TLE6: variants seen among roughly 807,000 people sequenced by gnomAD.
TLE6 encodes transducin-like enhancer protein 6.
Under a neutral mutation model 77.1 loss-of-function variants are expected in TLE6, and 72 were observed. That is an observed-to-expected ratio of 0.93 (90% confidence interval 0.77 to 1.14). TLE6 has a LOEUF of 1.14. TLE6 is among the 50% of genes most tolerant of loss of function. The pLI is 0.00. For synonymous variants in TLE6, 366 were observed against 287.3 expected, an observed-to-expected ratio of 1.27 and a Z score of -2.77; for missense variants, 843 against 747.6, an observed-to-expected ratio of 1.13 and a Z score of -1.49.
At chr19:2,993,396 A>T in intron 14 of TLE6, 36 bp from the exon 15 acceptor site, 4 of 1,572,766 alleles carry the variant, frequency 2.5e-6, no homozygotes, top group Non-Finnish European at 3.5e-6. Flanking sequence ...GCTGGGACCT[A>T]ACCAGGTTCC....
Position 2,989,187 on chromosome 19 carries a change from G to A in TLE6, c.867G>A (p.Val289=). 4 of 1,614,144 alleles carry A rather than the reference G, an allele frequency of 2.5e-6. No individual in the cohort carries two copies. Among genetic ancestry groups the A allele is most frequent in the Non-Finnish European group, 2.5e-6 (3 of 1,180,054 alleles). Residue 289 remains valine (V), a synonymous_variant, in exon 12 of 17, where the codon GTG becomes GTA. Coordinates refer to ENST00000246112, the MANE Select transcript of TLE6 (RefSeq NM_001143986.2). ...GGATCTTGGCACACGGGGAGCTCGT[G>A]CTCGCCACGGCCATCAGCAGCTTCA... is the stretch of plus-strand genomic sequence containing the variant. The part of the protein sequence containing the change: ...KMRILAHGEL[V]LATAISSFTR...
At chr19:2,983,148 G>C (rs1418723680) in intron 5 of TLE6, among the ~76,000 whole-genome samples, 1 of 152,222 alleles carries the variant, frequency 6.6e-6, no homozygotes, top group Non-Finnish European at 1.5e-5. Context: ...TGGGAGGAGG[G>C]GGGCAGCGAA....
At chr19:2,994,501 T>C (rs891229735) in intron 16 of TLE6, among the ~76,000 whole-genome samples, 3 of 152,034 alleles carry the variant, frequency 2.0e-5, no homozygotes, top group Admixed American at 1.3e-4. Flanking sequence ...TCCCAGCTAC[T>C]TGGGAGGCTG....
intron 1 of TLE6, 112 bp from the exon 2 acceptor site, chr19:2,978,086 T>A (rs920256581): frequency 3.7e-5 from 27 of 737,144 alleles, no homozygotes; most frequent in Admixed American, 2.9e-4. Context: ...CAGGATTGGG[T>A]CCCTGGAGAC....
chr19:2,991,395 T>TAC (rs373594184), intron 13 of TLE6, among the ~76,000 whole-genome samples: 3,661 of 113,960 alleles, frequency 0.032, 87 homozygotes, highest in South Asian at 0.081. Flanking sequence ...TATATATATA[T>TAC]ACACACACAC....
intron 5 of TLE6, among the ~76,000 whole-genome samples, chr19:2,982,535 CAAAAAAAAAAAA>C (rs1200316710): frequency 9.6e-5 from 4 of 41,840 alleles, no homozygotes; most frequent in African/African-American, 2.5e-4. Context: ...GACTCTGTCT[CAAAAAAAAAAAA>C]AAAAAAAAAA....
In TLE6 at chr19:2,989,251, G is replaced by T. The variant is rs866691522; in HGVS notation, c.931G>T (p.Val311Leu). The change falls in exon 12 of 17, where the codon GTG becomes TTG. Residue 311 changes from valine (V) to leucine (L), a missense_variant. Transcript: ENST00000246112. ...CACCTGTGGCAGAAGAGGCATCAAG[G>T]TGTGGAGCCTGACTGGACAGGTGGC... ...VFTCGRRGIK[V>L]WSLTGQVAED... 4.3e-6 allele frequency: 7 copies of T among 1,613,946 alleles called. No individual in the cohort carries two copies. Among genetic ancestry groups the T allele is most frequent in the Non-Finnish European group, 4.2e-6 (5 of 1,180,048 alleles).
chr19:2,984,952 T>C (rs958335405), intron 5 of TLE6, among the ~76,000 whole-genome samples: 4 of 152,086 alleles, frequency 2.6e-5, no homozygotes, highest in African/African-American at 9.7e-5. Context: ...TGTTTGTTCG[T>C]TTTAAATAAA....
chr19:2,991,683 A>T (rs1182816659), intron 13 of TLE6, among the ~76,000 whole-genome samples, 160 bp from the exon 14 acceptor site: 1 of 149,942 alleles, frequency 6.7e-6, no homozygotes, highest in African/African-American at 2.5e-5. Flanking sequence ...CCGGCACTAG[A>T]TCCTGTGTCT....
At position 2,980,189 on chromosome 19, in the gene TLE6, G is replaced by T; in HGVS notation, c.134+7G>T. 1 of 1,545,786 alleles carries T rather than the reference G, an allele frequency of 6.5e-7. No homozygotes were observed. On this transcript the variant is annotated splice_region_variant and intron_variant, in intron 3 of 16. Transcript: ENST00000246112. ...GGCTCAAGCAGTTCCCCAGGTGAGA[G>T]CAATTCCAGGGGCCGGAGGTCTCAC...
At chr19:2,991,389 T>TACACAC (rs1403725836) in intron 13 of TLE6, among the ~76,000 whole-genome samples, 2 of 113,884 alleles carry the variant, frequency 1.8e-5, no homozygotes, top group South Asian at 2.8e-4. Context: ...TATATATATA[T>TACACAC]ATATATACAC....
chr19:2,980,205 G>C (rs749932600), intron 3 of TLE6, 23 bp downstream of exon 3: 2 of 1,539,308 alleles, frequency 1.3e-6, no homozygotes, highest in South Asian at 2.4e-5. Context: ...CCAGGGGCCG[G>C]AGGTCTCACG....
intron 15 of TLE6, 27 bp downstream of exon 15, chr19:2,993,609 A>C (rs747220651): frequency 3.3e-6 from 5 of 1,531,320 alleles, no homozygotes; most frequent in Non-Finnish European, 3.5e-6. Context: ...AGATGAGGGG[A>C]CTCCCCTGCA....
At chr19:2,991,376 G>GTGTATATA (rs1491247309) in intron 13 of TLE6, among the ~76,000 whole-genome samples, 2 of 105,540 alleles carry the variant, frequency 1.9e-5, no homozygotes, top group East Asian at 3.0e-4. Flanking sequence ...AAAAAAATAC[G>GTGTATATA]TATATATATA....
chr19:2,994,118 G>C, intron 16 of TLE6, 23 bp downstream of exon 16: 2 of 1,583,608 alleles, frequency 1.3e-6, no homozygotes, highest in South Asian at 2.3e-5. Flanking sequence ...GCTGGGGGCA[G>C]GACCCGGGGG....
chr19:2,983,067 G>A (rs1467525216), intron 5 of TLE6, among the ~76,000 whole-genome samples: 1 of 152,148 alleles, frequency 6.6e-6, no homozygotes, highest in Non-Finnish European at 1.5e-5. Context: ...CCCAGGCGCT[G>A]GCAGGATTTT....
chr19:2,991,282 C>G (rs1271568947), intron 13 of TLE6, among the ~76,000 whole-genome samples: 2 of 149,032 alleles, frequency 1.3e-5, no homozygotes, highest in African/African-American at 2.5e-5. Flanking sequence ...TCGCTTGAAC[C>G]CAGGAGGCAG....
At chr19:2,985,363 A>T (rs2088884649) in intron 5 of TLE6, among the ~76,000 whole-genome samples, 2 of 146,926 alleles carry the variant, frequency 1.4e-5, no homozygotes, top group African/African-American at 2.5e-5. Flanking sequence ...TTCCTCACCT[A>T]GGGAGACCTA....
rs765942359 is a variant in TLE6, at chr19:2,987,048, G to A, written c.351G>A (p.Glu117=). 13 of 1,614,016 alleles carry A rather than the reference G, an allele frequency of 8.1e-6. No homozygotes were observed. The highest frequency in any genetic ancestry group is 1.1e-5 in the Non-Finnish European group (13 of 1,179,996). The change falls in exon 7 of 17, where the codon GAG becomes GAA. Residue 117 remains glutamate, a synonymous_variant. Transcript: ENST00000246112. ...AGGTGAAGGACAAGACCCTGCAGGA[G>A]TCGAGCTTTGAGGACATCATGGCCA... ...PQQVKDKTLQ[E]SSFEDIMATR... is the part of the protein sequence containing the mutation.
Sources: gnomAD v4.1 joint callset for allele counts (sites outside exome capture counted in the v4.1 genomes callset) on GRCh38, gnomAD v4.1.1 for gene constraint, MANE v1.5 for transcripts, NCBI Gene and HGNC (gene_info 2026-07-23, HGNC 2026-07-21) for gene names.